CCDC171: variants seen among roughly 807,000 people sequenced by gnomAD.
CCDC171 encodes coiled-coil domain containing 171, also known as coiled-coil domain-containing protein 171.
In CCDC171, 177 loss-of-function variants were observed where a neutral mutation model predicts 168.2. The ratio of observed to expected loss-of-function variants is 1.05; its 90% CI spans 0.93 to 1.19. CCDC171 has a LOEUF of 1.19. CCDC171 is among the 50% of genes most tolerant of loss of function. The pLI is 0.00. For synonymous variants in CCDC171, 687 were observed against 540.8 expected (o/e 1.27, Z -3.75); for missense variants, 1,991 against 1,539.0 (o/e 1.29, Z -4.91).
intron 9 of CCDC171, among the ~76,000 whole-genome samples, chr9:15,672,450 G>C (rs2049188650): frequency 6.6e-6 from 1 of 152,124 alleles, no homozygotes; most frequent in Non-Finnish European, 1.5e-5. Flanking sequence ...GAATGGTTTT[G>C]CATAGGTTTT....
intron 21 of CCDC171, among the ~76,000 whole-genome samples, chr9:15,823,775 A>G (rs907121060): frequency 1.3e-5 from 2 of 152,112 alleles, no homozygotes; most frequent in Non-Finnish European, 2.9e-5. Flanking sequence ...TTTGTATTTT[A>G]TATTGAAAAA....
rs544150015 is a variant in CCDC171, at chr9:15,791,073, G to A, written c.3267+6379G>A. On this transcript the variant is annotated intron_variant, in intron 21 of 25. Coordinates refer to ENST00000380701, the MANE Select transcript of CCDC171 (RefSeq NM_173550.4). The stretch of plus-strand genomic sequence containing the variant: ...TCTTTTTGCTTAGGATTGTCTTGGC[G>A]ATGCGGGCTCTTTTTTGGTTCCATA... 8.3e-4 allele frequency among the ~76,000 whole-genome samples: 127 copies of A among 152,228 alleles called. 1 individual carries two copies. The highest frequency in any genetic ancestry group is 2.7e-3 in the African/African-American group (114 of 41,538).
intron 18 of CCDC171, among the ~76,000 whole-genome samples, chr9:15,757,073 T>A (rs2056167849): frequency 6.6e-6 from 1 of 152,142 alleles, no homozygotes; most frequent in Non-Finnish European, 1.5e-5. Context: ...GAGTGGGGCG[T>A]TGCTGAAAAG....
chr9:15,555,887 A>G (rs866805280), intron 1 of CCDC171, among the ~76,000 whole-genome samples: 11 of 151,228 alleles, frequency 7.3e-5, no homozygotes, highest in Admixed American at 2.0e-4. Context: ...CCTGTGTCCA[A>G]GTATTCTCGT....
the CCDC171 span, among the ~76,000 whole-genome samples, chr9:16,083,026 C>T: frequency 1.3e-5 from 2 of 152,164 alleles, no homozygotes; most frequent in Non-Finnish European, 1.5e-5. Flanking sequence ...GATTTACTGT[C>T]TCTAAGTCAA....
At chr9:15,935,451 A>G (rs1827001469) in intron 25 of CCDC171, among the ~76,000 whole-genome samples, 1 of 152,088 alleles carries the variant, frequency 6.6e-6, no homozygotes, top group South Asian at 2.1e-4. Flanking sequence ...CTTCAATTGA[A>G]GTTACAAATA....
rs146453430 is a variant in CCDC171 at position 15,997,949 on chromosome 9, C to A, written n.369-22640C>A. ...AATTACCCCTGCCAAGATGGTGACT[C>A]TTCTTGCCTGCTGGAGCCTGGACAC... On this transcript the variant is annotated intron_variant and non_coding_transcript_variant, in intron 3 of 9. Coordinates refer to the CCDC171 transcript ENST00000486641. 9.8e-4 allele frequency among the ~76,000 whole-genome samples: 149 copies of A among 152,316 alleles called. 1 individual carries two copies. The highest frequency in any genetic ancestry group is 3.3e-3 in the African/African-American group (137 of 41,578).
At chr9:15,872,330 A>G (rs1191611965) in intron 23 of CCDC171, among the ~76,000 whole-genome samples, 1 of 152,054 alleles carries the variant, frequency 6.6e-6, no homozygotes, top group African/African-American at 2.4e-5. Context: ...GCAAGATGCC[A>G]CAGCTTAACA....
intron 11 of CCDC171, among the ~76,000 whole-genome samples, chr9:15,712,613 G>A (rs1297321881): frequency 5.3e-5 from 8 of 152,172 alleles, no homozygotes; most frequent in Non-Finnish European, 1.0e-4. Context: ...AGGAAAATCC[G>A]TATTCAGAGT....
chr9:15,637,057 A>G (rs1186382953), intron 7 of CCDC171, among the ~76,000 whole-genome samples: 1 of 151,996 alleles, frequency 6.6e-6, no homozygotes, highest in Non-Finnish European at 1.5e-5. Flanking sequence ...GGAGTTTGAG[A>G]CCAGCCTGGC....
At chr9:16,001,240 A>C (rs1294400776) in intron 3 of CCDC171, among the ~76,000 whole-genome samples, 1 of 152,146 alleles carries the variant, frequency 6.6e-6, no homozygotes, top group East Asian at 1.9e-4. Flanking sequence ...TGGATTTTTC[A>C]TGCCCTTCTG....
rs147395486 is a variant in CCDC171 at position 16,026,103 on chromosome 9, C to T, written n.998+3195C>T. On this transcript the variant is annotated intron_variant and non_coding_transcript_variant, in intron 6 of 9. Transcript: ENST00000486641. ...TACTCAGAGATACCATGTCACGCTCCATGTTTTGCTGGAGAGGACCTGGGT... is the reference window on the plus strand; with the variant it reads ...TACTCAGAGATACCATGTCACGCTCTATGTTTTGCTGGAGAGGACCTGGGT... Among the ~76,000 whole-genome samples, 454 of 152,212 alleles carry T rather than the reference C, an allele frequency of 3.0e-3. 2 individuals carry two copies. The highest frequency in any genetic ancestry group is 4.7e-3 in the Non-Finnish European group (319 of 67,988).
intron 20 of CCDC171, among the ~76,000 whole-genome samples, chr9:15,780,849 C>T (rs1266387195): frequency 7.1e-6 from 1 of 141,388 alleles, no homozygotes; most frequent in African/African-American, 2.6e-5. Flanking sequence ...TTTCCCTTTT[C>T]TTAGATATGT....
intron 16 of CCDC171, among the ~76,000 whole-genome samples, chr9:15,737,596 C>G (rs1163168384): frequency 6.6e-6 from 1 of 152,100 alleles, no homozygotes; most frequent in African/African-American, 2.4e-5. Context: ...TCCCAGTCTT[C>G]CGATAAAAAG....
At chr9:15,653,254 C>G (rs1054964725) in intron 7 of CCDC171, among the ~76,000 whole-genome samples, 4 of 152,048 alleles carry the variant, frequency 2.6e-5, no homozygotes, top group African/African-American at 9.7e-5. Flanking sequence ...ATCCTCCCAC[C>G]TCAGCCTCCC....
chr9:15,800,918 A>C (rs1186912867), intron 21 of CCDC171, among the ~76,000 whole-genome samples: 1 of 151,990 alleles, frequency 6.6e-6, no homozygotes, highest in African/African-American at 2.4e-5. Flanking sequence ...AAATGAATTC[A>C]CTGTAGGTGT....
chr9:15,987,322 A>T (rs567783249), intron 3 of CCDC171, among the ~76,000 whole-genome samples: 1 of 152,298 alleles, frequency 6.6e-6, no homozygotes, highest in South Asian at 2.1e-4. Context: ...ATTGGGTATT[A>T]CGCTGATTAC....
intron 3 of CCDC171, among the ~76,000 whole-genome samples, chr9:15,981,452 C>T (rs549590473): frequency 1.8e-4 from 27 of 152,286 alleles, no homozygotes; most frequent in Admixed American, 1.3e-3. Context: ...TTAAGCAACC[C>T]AGTCTGTGGT....
At chr9:16,008,985 A>G (rs1832784232) in intron 3 of CCDC171, among the ~76,000 whole-genome samples, 1 of 152,072 alleles carries the variant, frequency 6.6e-6, no homozygotes, top group Non-Finnish European at 1.5e-5. Context: ...TCTTTTGCCT[A>G]ATGGAGAAGA....
Sources: gnomAD v4.1 joint callset for allele counts (sites outside exome capture counted in the v4.1 genomes callset) on GRCh38, gnomAD v4.1.1 for gene constraint, MANE v1.5 for transcripts, NCBI Gene and HGNC (gene_info 2026-07-23, HGNC 2026-07-21) for gene names.